Variants in MRE11 observed in about 807,000 individuals in gnomAD.
MRE11 encodes double-strand break repair protein MRE11.
MRE11 carries 62 observed loss-of-function variants against 91.7 expected under a neutral mutation model. The ratio of observed to expected loss-of-function variants is 0.68; its 90% CI spans 0.55 to 0.84. The LOEUF is 0.84. Among genes scored for constraint, MRE11 ranks in the 40% least tolerant of loss-of-function variants. The pLI is 0.00. For missense variants in MRE11, 796 were observed against 852.9 expected (o/e 0.93, Z 0.83); for synonymous variants, 273 against 271.4 (o/e 1.01, Z -0.06).
At chr11:94,444,471 T>C (rs1945872910) in intron 16 of MRE11, among the ~76,000 whole-genome samples, 1 of 152,142 alleles carries the variant, frequency 6.6e-6, no homozygotes, top group African/African-American at 2.4e-5. Flanking sequence ...GCTAGTGATA[T>C]GAGGAAAAGA....
At chr11:94,483,659 G>C (rs561143984) in intron 4 of MRE11, 14 of 152,752 alleles carry the variant, frequency 9.2e-5, no homozygotes, top group Admixed American at 3.3e-4. Context: ...GAACTGCCCA[G>C]TCTTGGCGGG....
chr11:94,463,596 C>A (rs532712254), intron 11 of MRE11, among the ~76,000 whole-genome samples: 32 of 152,236 alleles, frequency 2.1e-4, no homozygotes, highest in African/African-American at 6.3e-4. Flanking sequence ...GAATACTATG[C>A]AGCCATAAAA....
intron 14 of MRE11, among the ~76,000 whole-genome samples, chr11:94,453,993 T>G (rs1946184368): frequency 6.6e-6 from 1 of 151,898 alleles, no homozygotes; most frequent in Admixed American, 6.5e-5. Flanking sequence ...CAAAGCCTAA[T>G]GGTTACTGTT....
At chr11:94,487,915 G>A (rs549433702) in intron 3 of MRE11, among the ~76,000 whole-genome samples, 1 of 152,198 alleles carries the variant, frequency 6.6e-6, no homozygotes, top group South Asian at 2.1e-4. Context: ...ACTAAGACTG[G>A]TTAGTGGGCA....
upstream of MRE11, among the ~76,000 whole-genome samples, chr11:94,494,404 T>C (rs1238208288): frequency 1.3e-5 from 2 of 152,206 alleles, no homozygotes; most frequent in Admixed American, 1.3e-4. Context: ...AATGTAGAAC[T>C]TTTGAATTAG....
chr11:94,449,834 A>C (rs553287267), intron 14 of MRE11, among the ~76,000 whole-genome samples: 1 of 152,354 alleles, frequency 6.6e-6, no homozygotes, highest in Admixed American at 6.5e-5. Context: ...TGGGTATCTA[A>C]GCATATCTTA....
chr11:94,459,594 A>G lies in MRE11; in HGVS notation c.1327-13T>C. 1 of 1,612,324 alleles carries G rather than the reference A, an allele frequency of 6.2e-7. No homozygotes were observed. Among genetic ancestry groups the G allele is most frequent in the Non-Finnish European group, 8.5e-7 (1 of 1,178,546 alleles). ...AGAGCTGCACATTCTGTAAGATACA[A>G]ATCACTGGATGCAGAAATAGTTTTT... On this transcript the variant is annotated splice_polypyrimidine_tract_variant and intron_variant, in intron 12 of 19. Coordinates refer to ENST00000323929, the MANE Select transcript of MRE11 (RefSeq NM_005591.4).
chr11:94,419,625 A>C lies in MRE11; in HGVS notation c.*500T>G, dbSNP rs1472032110. On this transcript the variant is annotated 3_prime_UTR_variant, in exon 20 of 20. Transcript: ENST00000323929. ...GAAAGGTTATTCTACTCTTTTAAAT[A>C]AAAACATATCTGTTCAAACTATTAG... 2 of 233,178 alleles carry C rather than the reference A, an allele frequency of 8.6e-6. No homozygotes were observed. Among genetic ancestry groups the C allele is most frequent in the Non-Finnish European group, 1.7e-5 (2 of 118,154 alleles). 14.4% of individuals were successfully genotyped at this position (233,178 alleles called of 1,614,324 possible).
rs115823132 is a variant in MRE11 at position 94,475,452 on chromosome 11, A to T, written c.659+837T>A. 1.4e-3 allele frequency: 526 copies of T among 366,972 alleles called. 1 individual carries two copies. Among genetic ancestry groups the T allele is most frequent in the African/African-American group, 0.01 (490 of 47,246 alleles). The allele number at this position is 366,972 out of a possible 1,614,324, so 22.7% of individuals were successfully genotyped here. A position where few individuals can be genotyped will look rare whatever the true frequency, so the allele number is the denominator to read the frequency against. The stretch of plus-strand genomic sequence containing the variant: ...CCAAGGGACAACTGTAATAAATTAT[A>T]TAATCAGGCCCCAAATCCTTTGAGT... On this transcript the variant is annotated intron_variant, in intron 7 of 19. Coordinates refer to ENST00000323929, the MANE Select transcript of MRE11 (RefSeq NM_005591.4).
chr11:94,446,727 A>T (rs1945941919), intron 15 of MRE11, among the ~76,000 whole-genome samples: 1 of 152,200 alleles, frequency 6.6e-6, no homozygotes, highest in South Asian at 2.1e-4. Flanking sequence ...TAGTTTTAGG[A>T]ATCAAATTGG....
chr11:94,430,806 C>T (rs1945444636), intron 18 of MRE11, among the ~76,000 whole-genome samples: 1 of 152,148 alleles, frequency 6.6e-6, no homozygotes, highest in Non-Finnish European at 1.5e-5. Context: ...CAGTAAATTC[C>T]TATGTCTTTT....
At chr11:94,509,669 T>C in the MRE11 span, among the ~76,000 whole-genome samples, 418 of 152,250 alleles carry the variant, frequency 2.7e-3, 2 homozygotes, top group Non-Finnish European at 5.1e-3. Flanking sequence ...CTCGATCCCT[T>C]GACCTCATGA....
chr11:94,461,723 G>A (rs757494510), intron 11 of MRE11, among the ~76,000 whole-genome samples: 72 of 152,090 alleles, frequency 4.7e-4, no homozygotes, highest in Non-Finnish European at 9.1e-4. Context: ...AAACCCCATC[G>A]TCTCAGCCCA....
upstream of MRE11, chr11:94,498,038 T>C: frequency 6.7e-7 from 1 of 1,496,876 alleles, no homozygotes; most frequent in African/African-American, 1.4e-5. Flanking sequence ...TTGGTTTGAG[T>C]TGAGTTGAAA....
intron 16 of MRE11, among the ~76,000 whole-genome samples, chr11:94,444,903 T>A (rs1396785670): frequency 6.6e-6 from 1 of 152,026 alleles, no homozygotes; most frequent in Non-Finnish European, 1.5e-5. Flanking sequence ...AATATACATA[T>A]GAATATATTC....
At chr11:94,465,781 C>A (rs1346427027) in intron 10 of MRE11, among the ~76,000 whole-genome samples, 1 of 152,226 alleles carries the variant, frequency 6.6e-6, no homozygotes, top group Admixed American at 6.5e-5. Context: ...TCAAACTTCT[C>A]ATTTATAAAT....
At chr11:94,444,437 A>T (rs1945871745) in intron 16 of MRE11, among the ~76,000 whole-genome samples, 1 of 152,104 alleles carries the variant, frequency 6.6e-6, no homozygotes, top group East Asian at 1.9e-4. Flanking sequence ...TTAGCAGCTG[A>T]AGCCATGGTT....
upstream of MRE11, among the ~76,000 whole-genome samples, chr11:94,496,026 C>T (rs577700496): frequency 6.6e-6 from 1 of 152,258 alleles, no homozygotes. Flanking sequence ...TATCAATAAA[C>T]AGGACTACTT....
intron 16 of MRE11, among the ~76,000 whole-genome samples, chr11:94,443,485 GT>G (rs1181534733): frequency 9.9e-5 from 15 of 152,202 alleles, no homozygotes; most frequent in Non-Finnish European, 1.9e-4. Flanking sequence ...ACTATTAGTG[GT>G]TTTATCAACT....
Sources: allele counts gnomAD v4.1 joint callset (sites outside exome capture counted in the v4.1 genomes callset), GRCh38; gene constraint gnomAD v4.1.1; transcripts MANE v1.5; gene names NCBI Gene and HGNC (gene_info 2026-07-23, HGNC 2026-07-21).